Variants in NRXN1 observed in about 807,000 individuals in gnomAD.
NRXN1 encodes neurexin-1.
Under a neutral mutation model 150.9 loss-of-function variants are expected in NRXN1, and 39 were observed. The ratio of observed to expected loss-of-function variants is 0.26; its 90% CI spans 0.20 to 0.34. The LOEUF (loss-of-function observed/expected upper bound fraction) is 0.34, where lower values mean the gene tolerates loss of function less well. NRXN1 is among the 10% of genes least tolerant of loss of function. NRXN1 has a pLI of 1.00. For synonymous variants in NRXN1, 924 were observed against 757.0 expected, an observed-to-expected ratio of 1.22 and a Z score of -3.62; for missense variants, 1,815 against 1,949.9, an observed-to-expected ratio of 0.93 and a Z score of 1.30.
intron 18 of NRXN1, among the ~76,000 whole-genome samples, chr2:50,223,367 C>A (rs2064066771): frequency 6.6e-6 from 1 of 151,914 alleles, no homozygotes; most frequent in African/African-American, 2.4e-5. Flanking sequence ...TATCCAACAC[C>A]CTTCTCAATA....
At chr2:50,289,340 T>A (rs1395859164) in intron 17 of NRXN1, among the ~76,000 whole-genome samples, 1 of 152,144 alleles carries the variant, frequency 6.6e-6, no homozygotes, top group Non-Finnish European at 1.5e-5. Flanking sequence ...GGAGTGTGGA[T>A]CTGGGTAGCT....
At chr2:50,178,946 G>A (rs141658126) in intron 18 of NRXN1, among the ~76,000 whole-genome samples, 24 of 152,208 alleles carry the variant, frequency 1.6e-4, no homozygotes, top group African/African-American at 5.1e-4. Context: ...CCATTTCAAA[G>A]TGCTCTTTGT....
intron 18 of NRXN1, 95 bp from the exon 19 acceptor site, chr2:50,091,589 G>T: frequency 1.6e-6 from 2 of 1,288,816 alleles, no homozygotes; most frequent in South Asian, 1.2e-5. Context: ...AATGTGCTTT[G>T]GACAACAGCT....
chr2:49,995,932 C>G (rs998438669), intron 21 of NRXN1, among the ~76,000 whole-genome samples: 3 of 142,904 alleles, frequency 2.1e-5, no homozygotes, highest in African/African-American at 7.7e-5. Flanking sequence ...GGTCTCATGA[C>G]TCTGTCAAAA....
intron 21 of NRXN1, among the ~76,000 whole-genome samples, chr2:50,029,596 A>G (rs113566012): frequency 5.3e-5 from 8 of 152,236 alleles, no homozygotes; most frequent in African/African-American, 1.9e-4. Flanking sequence ...ACACAGCAAG[A>G]TAGTGGTTTC....
chr2:50,218,253 C>A (rs1024954832), intron 18 of NRXN1, among the ~76,000 whole-genome samples: 6 of 152,034 alleles, frequency 3.9e-5, no homozygotes, highest in Admixed American at 6.6e-5. Context: ...AAGAAGCTAA[C>A]AAGGTTCTGT....
chr2:50,624,536 A>ATT (rs1337660676), intron 5 of NRXN1, among the ~76,000 whole-genome samples: 1 of 152,112 alleles, frequency 6.6e-6, no homozygotes, highest in Non-Finnish European at 1.5e-5. Flanking sequence ...ACCATAGAAA[A>ATT]TTATCTGGTA....
intron 17 of NRXN1, among the ~76,000 whole-genome samples, chr2:50,359,662 G>C (rs1175449070): frequency 6.6e-6 from 1 of 151,992 alleles, no homozygotes; most frequent in African/African-American, 2.4e-5. Context: ...GGGGATAATG[G>C]AACCAAGTTG....
chr2:50,268,041 T>A (rs532308508), intron 17 of NRXN1, among the ~76,000 whole-genome samples: 339 of 152,002 alleles, frequency 2.2e-3, no homozygotes, highest in African/African-American at 7.7e-3. Context: ...ATACAAAAAA[T>A]CAGCTGGGTG....
chr2:50,745,564 C>A (rs1033314176), intron 5 of NRXN1, among the ~76,000 whole-genome samples: 2 of 152,038 alleles, frequency 1.3e-5, no homozygotes, highest in Non-Finnish European at 2.9e-5. Context: ...AGTTCATTCC[C>A]ATGCTGCTGA....
intron 5 of NRXN1, among the ~76,000 whole-genome samples, chr2:50,688,725 C>T (rs1468365422): frequency 6.6e-6 from 1 of 152,178 alleles, no homozygotes; most frequent in Non-Finnish European, 1.5e-5. Context: ...AACTTACATG[C>T]TGTACAGCAA....
At chr2:50,971,185 T>G (rs1057040310) in intron 2 of NRXN1, among the ~76,000 whole-genome samples, 11 of 152,126 alleles carry the variant, frequency 7.2e-5, no homozygotes, top group Admixed American at 3.3e-4. Flanking sequence ...ACCTCCCAAA[T>G]TAGTGCATAG....
At chr2:50,615,358 T>G (rs1171780897) in intron 8 of NRXN1, 2 of 152,186 alleles carry the variant, frequency 1.3e-5, no homozygotes. Flanking sequence ...TAAAGGATTC[T>G]AGGTTGTTTT....
chr2:50,874,712 A>C (rs749169019), intron 5 of NRXN1, among the ~76,000 whole-genome samples: 4 of 151,842 alleles, frequency 2.6e-5, no homozygotes, highest in African/African-American at 7.2e-5. Flanking sequence ...TCTTTAACAC[A>C]ATTAACAGAA....
chr2:50,006,156 C>T (rs561224012), intron 21 of NRXN1, among the ~76,000 whole-genome samples: 9 of 152,190 alleles, frequency 5.9e-5, no homozygotes, highest in African/African-American at 2.2e-4. Flanking sequence ...ATCCTCAAAG[C>T]TCATAATCAA....
rs57580154 is a variant in NRXN1, at chr2:50,026,859, C to CTTTTTTTTTTTTTTTTTTTTTTTTTTTTT, written c.4128+26383_4128+26411dup. On this transcript the variant is annotated intron_variant, in intron 21 of 22. Transcript: ENST00000401669. Reference sequence around the variant, plus strand: ...TTGCATTGTTTAAGTCTTTTCTTTTCTTTTTTTTTTTTTTTTTTTTTTTTT... The same window carrying CTTTTTTTTTTTTTTTTTTTTTTTTTTTTT: ...TTGCATTGTTTAAGTCTTTTCTTTTCTTTTTTTTTTTTTTTTTTTTTTTTTTTTTTTTTTTTTTTTTTTTTTTTTTTTTT... Among the ~76,000 whole-genome samples, 17 of 65,242 alleles carry CTTTTTTTTTTTTTTTTTTTTTTTTTTTTT rather than the reference C, an allele frequency of 2.6e-4. 6 individuals carry two copies. Among genetic ancestry groups the CTTTTTTTTTTTTTTTTTTTTTTTTTTTTT allele is most frequent in the Non-Finnish European group, 2.7e-4 (10 of 37,416 alleles). 42.8% of individuals were successfully genotyped at this position (65,242 alleles called of 152,430 possible). A position where few individuals can be genotyped will look rare whatever the true frequency, so the allele number is the denominator to read the frequency against.
At position 50,698,157 on chromosome 2, in the gene NRXN1, C is replaced by G. The variant is rs758862211; in HGVS notation, c.833-74542G>C. ...GTCTTGTTTGTCCTGTACTTCCCAC[C>G]CGTACAGCAGTGCTGGCACTTAGTA... On this transcript the variant is annotated intron_variant, in intron 5 of 22. Transcript: ENST00000401669. 5.9e-5 allele frequency among the ~76,000 whole-genome samples: 9 copies of G among 152,340 alleles called. 1 individual carries two copies. Among genetic ancestry groups the G allele is most frequent in the Middle Eastern group, 6.8e-3 (2 of 294 alleles).
chr2:50,210,629 T>C (rs1428976747), intron 18 of NRXN1, among the ~76,000 whole-genome samples: 1 of 151,726 alleles, frequency 6.6e-6, no homozygotes, highest in African/African-American at 2.4e-5. Flanking sequence ...AGTGATACTT[T>C]TGAGACAATT....
At chr2:50,030,218 C>A (rs1052696241) in intron 21 of NRXN1, among the ~76,000 whole-genome samples, 2 of 152,110 alleles carry the variant, frequency 1.3e-5, no homozygotes, top group African/African-American at 4.8e-5. Flanking sequence ...TTCCTTAGAG[C>A]CTTTACTTTA....
Sources: allele counts gnomAD v4.1 joint callset (sites outside exome capture counted in the v4.1 genomes callset), GRCh38; gene constraint gnomAD v4.1.1; transcripts MANE v1.5; gene names NCBI Gene and HGNC (gene_info 2026-07-23, HGNC 2026-07-21).